CEP83: variants seen among roughly 807,000 people sequenced by gnomAD.
The protein encoded by CEP83 is centrosomal protein of 83 kDa.
CEP83 carries 70 observed loss-of-function variants against 101.9 expected under a neutral mutation model. That is an observed-to-expected ratio of 0.69 (90% CI 0.57 to 0.84). The LOEUF (loss-of-function observed/expected upper bound fraction) is 0.84, where lower values mean the gene tolerates loss of function less well. Ranked by LOEUF, CEP83 falls within the 40% of genes least tolerant of loss-of-function variation. The pLI is 0.00. For missense variants in CEP83, 715 were observed against 787.2 expected (o/e 0.91, Z 1.10); for synonymous variants, 264 against 267.9 (o/e 0.99, Z 0.14).
chr12:94,398,063 G>T (rs1279280684), intron 6 of CEP83, among the ~76,000 whole-genome samples: 1 of 152,148 alleles, frequency 6.6e-6, no homozygotes, highest in Non-Finnish European at 1.5e-5. Flanking sequence ...TGGGTTTGAG[G>T]GTCTGGGTGG....
rs193191773 is a variant in CEP83, at chr12:94,371,742, C to T, written c.934-1706G>A. 3.9e-5 allele frequency among the ~76,000 whole-genome samples: 6 copies of T among 152,100 alleles called. No homozygotes were observed. The East Asian group carries it at 1.2e-3, about 29-fold the overall frequency. On this transcript the variant is annotated intron_variant, in intron 8 of 16. Coordinates refer to ENST00000397809, the MANE Select transcript of CEP83 (RefSeq NM_016122.3). ...AAAAAGGTCCTAGAGCCAAAGAGGG[C>T]AAGGATAAGAAATAGAAGTGTCTTA...
chr12:94,332,449 C>A (rs925023810), intron 13 of CEP83, among the ~76,000 whole-genome samples: 2 of 152,096 alleles, frequency 1.3e-5, no homozygotes, highest in African/African-American at 4.8e-5. Flanking sequence ...TAAGGTCATA[C>A]AAGATTTTAA....
At chr12:94,432,600 G>C (rs1347163773) in intron 2 of CEP83, among the ~76,000 whole-genome samples, 1 of 152,160 alleles carries the variant, frequency 6.6e-6, no homozygotes, top group Non-Finnish European at 1.5e-5. Flanking sequence ...ATGTGTGTGG[G>C]GGAAGGTGGG....
chr12:94,442,107 A>G (rs2066455120), intron 1 of CEP83, among the ~76,000 whole-genome samples: 1 of 150,456 alleles, frequency 6.6e-6, no homozygotes, highest in Admixed American at 6.6e-5. Context: ...ATGAGTAGAT[A>G]AAGAAAATGT....
chr12:94,268,890 C>T, the CEP83 span, among the ~76,000 whole-genome samples: 4 of 152,042 alleles, frequency 2.6e-5, no homozygotes, highest in Non-Finnish European at 4.4e-5. Context: ...CAACTGCATC[C>T]GGCCGATAAT....
At chr12:94,423,790 T>C in intron 2 of CEP83, 1 of 1,613,716 alleles carries the variant, frequency 6.2e-7, no homozygotes, top group Non-Finnish European at 8.5e-7. Flanking sequence ...TGAGGGTGTG[T>C]CCACTGCCAC....
chr12:94,424,046 T>G (rs2064995112), intron 2 of CEP83: 21 of 1,612,070 alleles, frequency 1.3e-5, no homozygotes, highest in Non-Finnish European at 1.8e-5. Flanking sequence ...TGAATGGTGG[T>G]GCATCCAGGA....
chr12:94,419,745 G>C (rs1400957085), intron 2 of CEP83, among the ~76,000 whole-genome samples: 1 of 152,012 alleles, frequency 6.6e-6, no homozygotes, highest in Non-Finnish European at 1.5e-5. Flanking sequence ...GAACCGTAAG[G>C]AGAAGAGAGT....
At chr12:94,423,839 T>C (rs1313837865) in intron 2 of CEP83, 1 of 1,613,146 alleles carries the variant, frequency 6.2e-7, no homozygotes, top group Admixed American at 1.7e-5. Flanking sequence ...ACTGAAACAC[T>C]GGAAGGAAGG....
At chr12:94,298,405 G>T in the CEP83 span, among the ~76,000 whole-genome samples, 1 of 152,174 alleles carries the variant, frequency 6.6e-6, no homozygotes. Flanking sequence ...AATGTTATCA[G>T]CAAGAAGCTT....
At chr12:94,397,565 C>T (rs1222934306) in intron 6 of CEP83, among the ~76,000 whole-genome samples, 2 of 152,046 alleles carry the variant, frequency 1.3e-5, no homozygotes, top group African/African-American at 4.8e-5. Context: ...TAATGAGAAT[C>T]ACTTAGTCCT....
chr12:94,306,148 T>A (rs959671112), downstream of CEP83: 4 of 152,128 alleles, frequency 2.6e-5, no homozygotes, highest in African/African-American at 9.7e-5. Flanking sequence ...GAAGAGTAAC[T>A]CCATTTCTAT....
intron 7 of CEP83, among the ~76,000 whole-genome samples, chr12:94,376,738 TA>T (rs1566025305): frequency 1.4e-4 from 15 of 104,370 alleles, no homozygotes; most frequent in East Asian, 2.7e-4. Flanking sequence ...CACACATATA[TA>T]TATATATATT....
At chr12:94,283,926 C>CA in the CEP83 span, among the ~76,000 whole-genome samples, 310 of 151,892 alleles carry the variant, frequency 2.0e-3, 1 homozygote, top group African/African-American at 7.3e-3. Context: ...TCTAAAAATA[C>CA]AAAAAAATTA....
chr12:94,277,441 C>T, the CEP83 span, among the ~76,000 whole-genome samples: 1 of 152,190 alleles, frequency 6.6e-6, no homozygotes, highest in African/African-American at 2.4e-5. Context: ...CCCACATCCA[C>T]GTCAGTGGTC....
intron 6 of CEP83, among the ~76,000 whole-genome samples, chr12:94,390,843 T>C (rs895643348): frequency 2.6e-5 from 4 of 152,096 alleles, no homozygotes; most frequent in African/African-American, 7.2e-5. Flanking sequence ...GAAGCTTCAA[T>C]AGCTGATTCA....
At chr12:94,441,808 G>A (rs563959672) in intron 1 of CEP83, among the ~76,000 whole-genome samples, 18 of 151,824 alleles carry the variant, frequency 1.2e-4, no homozygotes, top group Admixed American at 9.8e-4. Context: ...CCAGCTACTC[G>A]GGAGGCTGAG....
chr12:94,457,642 A>G (rs1241304398), intron 1 of CEP83, among the ~76,000 whole-genome samples: 1 of 152,212 alleles, frequency 6.6e-6, no homozygotes, highest in Non-Finnish European at 1.5e-5. Context: ...AAGTCCATGG[A>G]TTTTAGCAAT....
chr12:94,431,367 C>T (rs1399805699), intron 2 of CEP83, among the ~76,000 whole-genome samples: 1 of 152,104 alleles, frequency 6.6e-6, no homozygotes, highest in African/African-American at 2.4e-5. Flanking sequence ...GAAAACACTT[C>T]AGGACATTGG....
Sources: gnomAD v4.1 joint callset for allele counts (sites outside exome capture counted in the v4.1 genomes callset) on GRCh38, gnomAD v4.1.1 for gene constraint, MANE v1.5 for transcripts, NCBI Gene and HGNC (gene_info 2026-07-23, HGNC 2026-07-21) for gene names.